The following DIP2C variants were observed in gnomAD, a reference collection of about 807,000 sequenced individuals.
DIP2C encodes the protein DIP2 acetate--CoA ligase C (putative), also known as disco-interacting protein 2 homolog C.
Under a neutral mutation model 192.4 loss-of-function variants are expected in DIP2C, and 33 were observed. The observed-to-expected ratio is 0.17, with a 90% CI of 0.13 to 0.23. The LOEUF (loss-of-function observed/expected upper bound fraction) is 0.23. Ranked by LOEUF, DIP2C falls within the 10% of genes least tolerant of loss-of-function variation. The pLI is 1.00. For synonymous variants in DIP2C, 979 were observed against 864.1 expected (o/e 1.13, Z -2.33); for missense variants, 1,537 against 2,110.1 (o/e 0.73, Z 5.32).
intron 1 of DIP2C, among the ~76,000 whole-genome samples, chr10:595,373 T>C (rs1433832085): frequency 6.6e-6 from 1 of 152,140 alleles, no homozygotes; most frequent in Non-Finnish European, 1.5e-5. Context: ...ATTGGCAGTT[T>C]CCTATGGTTC....
intron 1 of DIP2C, among the ~76,000 whole-genome samples, chr10:603,049 C>T (rs1852196451): frequency 6.6e-6 from 1 of 151,992 alleles, no homozygotes; most frequent in Non-Finnish European, 1.5e-5. Flanking sequence ...CCAAACCAGC[C>T]CAGGAATTCC....
intron 1 of DIP2C, among the ~76,000 whole-genome samples, chr10:518,801 G>A (rs986454124): frequency 6.6e-6 from 1 of 152,194 alleles, no homozygotes; most frequent in Non-Finnish European, 1.5e-5. Context: ...TCCAGAAAGA[G>A]GTTTAATTAA....
At chr10:307,726 G>A (rs967246225) in intron 32 of DIP2C, among the ~76,000 whole-genome samples, 1 of 152,250 alleles carries the variant, frequency 6.6e-6, no homozygotes. Flanking sequence ...CCAGAAGCCG[G>A]GAGGGAAGGG....
intron 17 of DIP2C, among the ~76,000 whole-genome samples, chr10:373,314 C>T (rs1282329242): frequency 6.6e-6 from 1 of 152,214 alleles, no homozygotes; most frequent in Non-Finnish European, 1.5e-5. Context: ...CCTGTTTCTG[C>T]TCCAATCCTA....
At chr10:593,808 G>A (rs2131652530) in intron 1 of DIP2C, among the ~76,000 whole-genome samples, 1 of 152,294 alleles carries the variant, frequency 6.6e-6, no homozygotes, top group African/African-American at 2.4e-5. Context: ...AAGTCCACAA[G>A]AAAGGGAGAG....
At chr10:588,641 C>T (rs1297831973) in intron 1 of DIP2C, among the ~76,000 whole-genome samples, 1 of 152,216 alleles carries the variant, frequency 6.6e-6, no homozygotes, top group Non-Finnish European at 1.5e-5. Flanking sequence ...CCAAAGCTTG[C>T]TCCAGGGCCA....
At chr10:441,099 A>C (rs1038392025) in intron 3 of DIP2C, 103 bp from the exon 4 acceptor site, 4 of 1,336,748 alleles carry the variant, frequency 3.0e-6, no homozygotes, top group Non-Finnish European at 2.9e-6. Context: ...CACCTTCTGA[A>C]ACTCACCAAC....
At chr10:603,403 G>A (rs145485821) in intron 1 of DIP2C, among the ~76,000 whole-genome samples, 28 of 147,894 alleles carry the variant, frequency 1.9e-4, no homozygotes, top group Admixed American at 1.6e-3. Flanking sequence ...CTTATTCAAA[G>A]GTCGCCTAAC....
chr10:275,934 C>A lies in DIP2C; in HGVS notation c.*1391G>T, dbSNP rs1202765927. On this transcript the variant is annotated 3_prime_UTR_variant, in exon 37 of 37. Transcript: ENST00000280886. ...AGCGAGGGAGCCCCAGAGGCTCACA[C>A]AGAGCGGGCTGGGTCTTAAGACGAG... The A allele has an allele frequency of 6.6e-6, 1 of 152,254 alleles. No homozygotes were observed. Among genetic ancestry groups the A allele is most frequent in the African/African-American group, 2.4e-5 (1 of 41,472 alleles). 9.4% of individuals were successfully genotyped at this position (152,254 alleles called of 1,614,324 possible).
chr10:534,777 C>T (rs1257168501), intron 1 of DIP2C, among the ~76,000 whole-genome samples: 6 of 151,594 alleles, frequency 4.0e-5, no homozygotes, highest in Admixed American at 1.3e-4. Context: ...CCCGGGTTCA[C>T]GCCATTCTCC....
chr10:520,926 T>A (rs1462366523), intron 1 of DIP2C, among the ~76,000 whole-genome samples: 1 of 152,372 alleles, frequency 6.6e-6, no homozygotes, highest in Non-Finnish European at 1.5e-5. Context: ...ACATTCAGTT[T>A]AATTACATTT....
At chr10:304,695 A>G (rs2132286720) in intron 32 of DIP2C, among the ~76,000 whole-genome samples, 1 of 53,586 alleles carries the variant, frequency 1.9e-5, no homozygotes, top group Admixed American at 2.1e-4. Context: ...TAGCCCACAC[A>G]CTAGCACAAA....
chr10:514,955 T>TA (rs1846256975), intron 1 of DIP2C, among the ~76,000 whole-genome samples: 1 of 152,234 alleles, frequency 6.6e-6, no homozygotes, highest in Non-Finnish European at 1.5e-5. Flanking sequence ...AAGCTTTTTT[T>TA]AACTTCTTTT....
chr10:452,106 T>A lies in DIP2C; in HGVS notation c.269-11110A>T, dbSNP rs752580722. Reference sequence around the variant, plus strand: ...GGGTAACACGAGCAGGAGGGAAGCATGGGGACCACAAAGATGTCAGACTGT... The same window carrying A: ...GGGTAACACGAGCAGGAGGGAAGCAAGGGGACCACAAAGATGTCAGACTGT... On this transcript the variant is annotated intron_variant, in intron 3 of 36. Transcript: ENST00000280886. Among the ~76,000 whole-genome samples the A allele has an allele frequency of 6.4e-4, 98 of 152,144 alleles. No individual in the cohort carries two copies. The Middle Eastern group carries it at 0.01, about 16-fold the overall frequency.
chr10:518,786 C>T (rs1846518689), intron 1 of DIP2C, among the ~76,000 whole-genome samples: 1 of 152,256 alleles, frequency 6.6e-6, no homozygotes, highest in Admixed American at 6.5e-5. Flanking sequence ...TGGCTACTCC[C>T]CTCTTCCAGA....
At chr10:515,900 G>A (rs915171474) in intron 1 of DIP2C, among the ~76,000 whole-genome samples, 1 of 152,048 alleles carries the variant, frequency 6.6e-6, no homozygotes, top group African/African-American at 2.4e-5. Flanking sequence ...AGAAACTCCT[G>A]GGACCCAATA....
At chr10:598,867 A>G (rs1253896131) in intron 1 of DIP2C, among the ~76,000 whole-genome samples, 4 of 152,240 alleles carry the variant, frequency 2.6e-5, no homozygotes, top group Non-Finnish European at 5.9e-5. Flanking sequence ...TTATTTTGAA[A>G]CATCACTAGC....
intron 3 of DIP2C, 129 bp downstream of exon 3, chr10:472,310 A>T (rs1378760691): frequency 4.1e-6 from 3 of 723,110 alleles, no homozygotes; most frequent in Non-Finnish European, 6.8e-6. Flanking sequence ...CCGTGCAGAA[A>T]GCTGGAGGCC....
Position 504,974 on chromosome 10 carries a change from G to GTTCA in DIP2C, c.86-18448_86-18445dup, listed in dbSNP as rs112147101. Among the ~76,000 whole-genome samples the GTTCA allele has an allele frequency of 4.2e-3, 645 of 152,092 alleles. 6 individuals are homozygous for GTTCA. Among genetic ancestry groups the GTTCA allele is most frequent in the African/African-American group, 0.014 (566 of 41,476 alleles). The stretch of plus-strand genomic sequence containing the variant: ...TCATGTGACTCTCAGTGCTAGGTTC[G>GTTCA]TTCATTCATTCATTCATTCATTCAG... On this transcript the variant is annotated intron_variant, in intron 1 of 36. Coordinates refer to ENST00000280886, the MANE Select transcript of DIP2C (RefSeq NM_014974.3).
Sources: gnomAD v4.1 joint callset for allele counts (sites outside exome capture counted in the v4.1 genomes callset) on GRCh38, gnomAD v4.1.1 for gene constraint, MANE v1.5 for transcripts, NCBI Gene and HGNC (gene_info 2026-07-23, HGNC 2026-07-21) for gene names.